The following GRIP1 variants were observed in gnomAD, a reference collection of about 807,000 sequenced individuals.
GRIP1 encodes glutamate receptor interacting protein 1.
A neutral mutation model predicts 129.9 loss-of-function variants in GRIP1; 45 were observed. The ratio of observed to expected loss-of-function variants is 0.35; its 90% CI spans 0.27 to 0.44. The LOEUF is 0.44. GRIP1 is among the 20% of genes least tolerant of loss of function. The pLI, the probability that GRIP1 is intolerant of heterozygous loss-of-function variation, is 1.00. For synonymous variants in GRIP1, 530 were observed against 520.8 expected (o/e 1.02, Z -0.24); for missense variants, 1,196 against 1,396.8 (o/e 0.86, Z 2.29).
At chr12:66,837,365 G>C (rs866514745) in intron 1 of GRIP1, among the ~76,000 whole-genome samples, 5 of 152,236 alleles carry the variant, frequency 3.3e-5, no homozygotes, top group Middle Eastern at 3.4e-3. Context: ...ACTCTATTTG[G>C]GTGAGTCAAG....
At chr12:66,456,532 G>T (rs1267958574) in intron 9 of GRIP1, among the ~76,000 whole-genome samples, 190 bp from the exon 10 acceptor site, 1 of 152,154 alleles carries the variant, frequency 6.6e-6, no homozygotes, top group East Asian at 1.9e-4. Flanking sequence ...TTAACATAAA[G>T]GATGTAAACT....
chr12:66,576,442 A>G (rs1386667809), intron 2 of GRIP1, among the ~76,000 whole-genome samples: 2 of 152,230 alleles, frequency 1.3e-5, no homozygotes, highest in African/African-American at 4.8e-5. Context: ...AGAGTAGTAG[A>G]TGTATGTGAT....
At chr12:67,060,333 G>A (rs1438648693) in intron 1 of GRIP1, among the ~76,000 whole-genome samples, 3 of 152,154 alleles carry the variant, frequency 2.0e-5, no homozygotes, top group African/African-American at 7.2e-5. Flanking sequence ...CACTGCAAGA[G>A]GGAATTTAGT....
At chr12:66,474,826 A>C (rs2059554133) in intron 7 of GRIP1, among the ~76,000 whole-genome samples, 1 of 152,218 alleles carries the variant, frequency 6.6e-6, no homozygotes, top group African/African-American at 2.4e-5. Flanking sequence ...CTCCTGAAGG[A>C]ATCACTAAAC....
chr12:66,503,918 G>A (rs1345601385), intron 7 of GRIP1, among the ~76,000 whole-genome samples: 2 of 152,162 alleles, frequency 1.3e-5, no homozygotes, highest in Non-Finnish European at 2.9e-5. Context: ...TTTTCATAGG[G>A]ATCTTTTTGA....
chr12:66,986,872 AAAAAT>A (rs1367551922), intron 1 of GRIP1, among the ~76,000 whole-genome samples: 14 of 5,628 alleles, frequency 2.5e-3, no homozygotes, highest in African/African-American at 6.1e-3. Context: ...AAAATAAAAT[AAAAAT>A]AAAAATAAAA....
At chr12:66,412,262 C>T (rs1174709679) in intron 15 of GRIP1, among the ~76,000 whole-genome samples, 1 of 152,168 alleles carries the variant, frequency 6.6e-6, no homozygotes, top group Non-Finnish European at 1.5e-5. Context: ...AAGGGAAGTC[C>T]ATCAGACCAA....
chr12:66,921,754 T>C (rs1485297806), intron 1 of GRIP1, among the ~76,000 whole-genome samples: 2 of 152,208 alleles, frequency 1.3e-5, no homozygotes, highest in South Asian at 2.1e-4. Context: ...GAATCTCCAA[T>C]AGGAAGCATG....
chr12:66,369,822 T>C (rs2055383634), intron 23 of GRIP1, among the ~76,000 whole-genome samples: 1 of 152,236 alleles, frequency 6.6e-6, no homozygotes, highest in South Asian at 2.1e-4. Flanking sequence ...TTAATCACCA[T>C]TGGACTTCTT....
chr12:66,881,008 CT>C (rs1295417732), intron 1 of GRIP1, among the ~76,000 whole-genome samples: 1 of 150,112 alleles, frequency 6.7e-6, no homozygotes, highest in Non-Finnish European at 1.5e-5. Context: ...TTTTTTTTTC[CT>C]CTCTTTCAAA....
chr12:66,755,971 G>A (rs894672302), intron 1 of GRIP1, among the ~76,000 whole-genome samples: 6 of 152,104 alleles, frequency 3.9e-5, no homozygotes, highest in Non-Finnish European at 7.4e-5. Flanking sequence ...AACCAGCCCT[G>A]GAACCACTGC....
At chr12:66,914,818 A>G (rs1039508231) in intron 1 of GRIP1, among the ~76,000 whole-genome samples, 2 of 152,204 alleles carry the variant, frequency 1.3e-5, no homozygotes, top group Admixed American at 6.5e-5. Context: ...GAGTCTAATC[A>G]GGGAGCTGAA....
In GRIP1 at chr12:66,598,915, C is replaced by T. The variant is rs1452825675; in HGVS notation, c.56-1988G>A. ...TTATAAAGGGCAATAAGAGATTTTC[C>T]CAGGAGACTCTGGGGTTATCTGCAC... On this transcript the variant is annotated intron_variant, in intron 1 of 24. Transcript: ENST00000359742. Among the ~76,000 whole-genome samples the T allele has an allele frequency of 2.0e-5, 3 of 152,088 alleles. No individual in the cohort carries two copies. In the East Asian group the frequency reaches 5.8e-4, roughly 29 times the overall value.
At chr12:67,029,437 A>G (rs1280366617) in intron 1 of GRIP1, among the ~76,000 whole-genome samples, 2 of 152,084 alleles carry the variant, frequency 1.3e-5, no homozygotes, top group South Asian at 2.1e-4. Flanking sequence ...AAACTGGTCA[A>G]GCATGGTGGC....
intron 23 of GRIP1, among the ~76,000 whole-genome samples, chr12:66,366,669 A>G (rs561957033): frequency 6.6e-6 from 1 of 152,184 alleles, no homozygotes; most frequent in Non-Finnish European, 1.5e-5. Flanking sequence ...GGAAATGTCA[A>G]TATGATTTTT....
intron 2 of GRIP1, among the ~76,000 whole-genome samples, chr12:66,582,938 C>T (rs1265375231): frequency 3.1e-4 from 46 of 148,300 alleles, no homozygotes; most frequent in South Asian, 1.1e-3. Flanking sequence ...AAAAAGAGCC[C>T]GCATCGCCAA....
At chr12:66,924,088 AC>A (rs1294285091) in intron 1 of GRIP1, among the ~76,000 whole-genome samples, 1 of 150,450 alleles carries the variant, frequency 6.6e-6, no homozygotes, top group African/African-American at 2.4e-5. Context: ...CAGGTGATTC[AC>A]CCCCCTCGGC....
intron 11 of GRIP1, among the ~76,000 whole-genome samples, chr12:66,452,866 C>G (rs1411901767): frequency 1.3e-5 from 2 of 151,826 alleles, no homozygotes; most frequent in African/African-American, 4.8e-5. Context: ...TTAAAAAAAA[C>G]AAAAAAACCT....
intron 2 of GRIP1, among the ~76,000 whole-genome samples, chr12:66,587,956 A>T (rs1359904259): frequency 6.6e-6 from 1 of 152,152 alleles, no homozygotes; most frequent in South Asian, 2.1e-4. Flanking sequence ...TTAGAAATGT[A>T]TAAGAATATT....
Sources: gnomAD v4.1 joint callset for allele counts (sites outside exome capture counted in the v4.1 genomes callset) on GRCh38, gnomAD v4.1.1 for gene constraint, MANE v1.5 for transcripts, NCBI Gene and HGNC (gene_info 2026-07-23, HGNC 2026-07-21) for gene names.